Variants in AGBL1 observed in about 807,000 individuals in gnomAD.
The protein encoded by AGBL1 is AGBL carboxypeptidase 1, also known as cytosolic carboxypeptidase 4.
Under a neutral mutation model 118.9 loss-of-function variants are expected in AGBL1, and 130 were observed. The observed-to-expected ratio is 1.09, with a 90% CI of 0.95 to 1.26. The LOEUF (loss-of-function observed/expected upper bound fraction) is 1.26, where lower values mean the gene tolerates loss of function less well. AGBL1 is among the 50% of genes most tolerant of loss of function. AGBL1 has a pLI of 0.00. For synonymous variants in AGBL1, 555 were observed against 478.9 expected (o/e 1.16, Z -2.08); for missense variants, 1,584 against 1,298.1 (o/e 1.22, Z -3.38).
At chr15:86,457,702 T>C (rs1413064237) in intron 18 of AGBL1, among the ~76,000 whole-genome samples, 1 of 152,208 alleles carries the variant, frequency 6.6e-6, no homozygotes, top group African/African-American at 2.4e-5. Context: ...AGTAGTCACA[T>C]TATATAGGAT....
chr15:86,103,815 A>G (rs541669908), intron 1 of AGBL1, among the ~76,000 whole-genome samples: 1 of 152,110 alleles, frequency 6.6e-6, no homozygotes, highest in Non-Finnish European at 1.5e-5. Context: ...TATTCTAGGC[A>G]ATTTGGTTCT....
At chr15:86,237,877 C>T (rs959619782) in intron 6 of AGBL1, among the ~76,000 whole-genome samples, 3 of 152,138 alleles carry the variant, frequency 2.0e-5, no homozygotes, top group East Asian at 1.9e-4. Flanking sequence ...TCACCTTTCC[C>T]GTCATCTGCT....
intron 22 of AGBL1, among the ~76,000 whole-genome samples, chr15:86,709,128 C>G (rs969940353): frequency 2.0e-5 from 3 of 152,098 alleles, no homozygotes; most frequent in Non-Finnish European, 4.4e-5. Context: ...ATGGTATTCC[C>G]TCTCCTGGAA....
chr15:86,982,406 G>GGT (rs1555468765), intron 23 of AGBL1, among the ~76,000 whole-genome samples: 10 of 141,154 alleles, frequency 7.1e-5, no homozygotes, highest in African/African-American at 2.1e-4. Context: ...CTTTTATCTT[G>GGT]TTTTTTTTTT....
At chr15:86,128,244 G>C (rs62012439) in intron 1 of AGBL1, among the ~76,000 whole-genome samples, 1 of 152,136 alleles carries the variant, frequency 6.6e-6, no homozygotes, top group Admixed American at 6.5e-5. Flanking sequence ...AAGGAAAGGC[G>C]GCAGGCAAGA....
chr15:86,288,173 T>A (rs1339817984), intron 16 of AGBL1, among the ~76,000 whole-genome samples: 1 of 152,170 alleles, frequency 6.6e-6, no homozygotes, highest in Non-Finnish European at 1.5e-5. Context: ...ATTTTGATAA[T>A]AAAGAATACT....
At chr15:86,523,359 C>A (rs1342257285) in intron 19 of AGBL1, among the ~76,000 whole-genome samples, 1 of 152,182 alleles carries the variant, frequency 6.6e-6, no homozygotes, top group Non-Finnish European at 1.5e-5. Context: ...TTGCCCTCTT[C>A]TAATAAGGAC....
chr15:86,497,806 T>C (rs1567025324), intron 18 of AGBL1, among the ~76,000 whole-genome samples: 1 of 151,938 alleles, frequency 6.6e-6, no homozygotes, highest in Admixed American at 6.6e-5. Context: ...CTTTTTCTCA[T>C]GTAAATTGCC....
At chr15:86,992,459 A>T (rs1314441769) in intron 24 of AGBL1, among the ~76,000 whole-genome samples, 1 of 152,216 alleles carries the variant, frequency 6.6e-6, no homozygotes, top group Non-Finnish European at 1.5e-5. Flanking sequence ...TAAGCCACAT[A>T]CTTTGATCTA....
At position 86,847,133 on chromosome 15, in the gene AGBL1, A is replaced by G. The variant is rs1162688919; in HGVS notation, c.3159-59954A>G. 4.6e-5 allele frequency among the ~76,000 whole-genome samples: 7 copies of G among 152,174 alleles called. No individual in the cohort carries two copies. In the South Asian group the frequency reaches 6.2e-4, roughly 14 times the overall value. ...TTATGTGGTTCTTTTCATAATTTCT[A>G]TTGCTTCATTGAAATTAATCATATT... On this transcript the variant is annotated intron_variant, in intron 22 of 22. Coordinates refer to ENST00000614907, the MANE Select transcript of AGBL1 (RefSeq NM_001386094.1).
chr15:86,878,104 A>G (rs2141523360), intron 22 of AGBL1, among the ~76,000 whole-genome samples: 1 of 152,324 alleles, frequency 6.6e-6, no homozygotes, highest in Non-Finnish European at 1.5e-5. Context: ...CAGCGATGCC[A>G]CCCACAAAAG....
At chr15:86,408,008 G>C (rs947037456) in intron 18 of AGBL1, among the ~76,000 whole-genome samples, 1 of 152,148 alleles carries the variant, frequency 6.6e-6, no homozygotes, top group Non-Finnish European at 1.5e-5. Flanking sequence ...AAGAAGCAGC[G>C]CAGACCAGCA....
intron 23 of AGBL1, among the ~76,000 whole-genome samples, chr15:86,949,951 C>T (rs1239508818): frequency 3.3e-5 from 5 of 151,964 alleles, no homozygotes; most frequent in Admixed American, 2.0e-4. Flanking sequence ...ATGTAGAGTA[C>T]GTTCTCTGAT....
intron 22 of AGBL1, among the ~76,000 whole-genome samples, chr15:86,728,125 G>A (rs962620960): frequency 3.9e-5 from 6 of 152,172 alleles, no homozygotes; most frequent in African/African-American, 1.2e-4. Context: ...GCCTGGCAAA[G>A]GGTCTAACAG....
chr15:86,376,204 C>T (rs1006380433), intron 17 of AGBL1, among the ~76,000 whole-genome samples: 4 of 152,154 alleles, frequency 2.6e-5, no homozygotes, highest in African/African-American at 9.7e-5. Flanking sequence ...GAATCAGAGA[C>T]AATTGTCAGC....
intron 22 of AGBL1, among the ~76,000 whole-genome samples, chr15:86,861,051 G>A (rs780480781): frequency 1.5e-4 from 23 of 152,114 alleles, no homozygotes; most frequent in Non-Finnish European, 3.1e-4. Context: ...GCAGGGGTCT[G>A]TTGATTTCAT....
At chr15:86,394,257 T>C (rs1380980814) in intron 17 of AGBL1, among the ~76,000 whole-genome samples, 3 of 152,156 alleles carry the variant, frequency 2.0e-5, no homozygotes, top group East Asian at 1.9e-4. Flanking sequence ...GGTAAACATG[T>C]CATCTATAAT....
intron 21 of AGBL1, among the ~76,000 whole-genome samples, chr15:86,664,232 C>T (rs1432484033): frequency 6.6e-6 from 1 of 152,142 alleles, no homozygotes; most frequent in African/African-American, 2.4e-5. Context: ...GGCAGAGACA[C>T]CAACATGCTT....
chr15:86,720,773 A>G lies in AGBL1; in HGVS notation c.3158+46337A>G, dbSNP rs180823829. Among the ~76,000 whole-genome samples the G allele has an allele frequency of 1.8e-3, 268 of 152,290 alleles. 4 individuals carry two copies. In the East Asian group the frequency reaches 0.022, roughly 13 times the overall value. On this transcript the variant is annotated intron_variant, in intron 22 of 22. Transcript: ENST00000614907. ...ATCGCTAGCAAGACTAATAAAGAAG[A>G]AAAGAAGAACCAAATAGACACAATA...
Sources: gnomAD v4.1 joint callset for allele counts (sites outside exome capture counted in the v4.1 genomes callset) on GRCh38, gnomAD v4.1.1 for gene constraint, MANE v1.5 for transcripts, NCBI Gene and HGNC (gene_info 2026-07-23, HGNC 2026-07-21) for gene names.